MCU: variants seen among roughly 807,000 people sequenced by gnomAD.
MCU encodes the protein calcium uniporter protein, mitochondrial.
A neutral mutation model predicts 45.2 loss-of-function variants in MCU; 12 were observed. The ratio of observed to expected loss-of-function variants is 0.27; its 90% CI spans 0.17 to 0.43. The LOEUF (loss-of-function observed/expected upper bound fraction) is 0.43, where lower values mean the gene tolerates loss of function less well. MCU is among the 20% of genes least tolerant of loss of function. The pLI is 1.00. For missense variants in MCU, 324 were observed against 436.7 expected (o/e 0.74, Z 2.30); for synonymous variants, 160 against 165.1 (o/e 0.97, Z 0.24).
At chr10:72,715,815 CA>C in intron 1 of MCU, 1 of 962,966 alleles carries the variant, frequency 1.0e-6, no homozygotes, top group South Asian at 4.8e-5. Context: ...TATGTCATAA[CA>C]ACCATGTAAG....
At chr10:72,694,107 G>A (rs1406176125) in intron 1 of MCU, among the ~76,000 whole-genome samples, 2 of 152,186 alleles carry the variant, frequency 1.3e-5, no homozygotes, top group Non-Finnish European at 2.9e-5. Flanking sequence ...CAATTAAAAC[G>A]AAGTGTTATT....
intron 6 of MCU, among the ~76,000 whole-genome samples, chr10:72,879,848 C>A (rs1296399417): frequency 1.3e-5 from 2 of 152,100 alleles, no homozygotes; most frequent in Non-Finnish European, 2.9e-5. Flanking sequence ...GAGTTTGAGA[C>A]CAGCCTGGCC....
At chr10:72,882,006 C>T (rs1302894790) in intron 6 of MCU, among the ~76,000 whole-genome samples, 5 of 152,160 alleles carry the variant, frequency 3.3e-5, no homozygotes, top group South Asian at 2.1e-4. Context: ...GGCAGAAGAA[C>T]GTGGATTGTG....
At chr10:72,743,029 T>TCA (rs1843357681) in intron 1 of MCU, among the ~76,000 whole-genome samples, 1 of 145,370 alleles carries the variant, frequency 6.9e-6, no homozygotes, top group Non-Finnish European at 1.5e-5. Context: ...AGAGAGAGGG[T>TCA]GAGGGGGAGA....
At chr10:72,692,408 G>A (rs1417101496) in intron 1 of MCU, 107 bp downstream of exon 1, 2 of 1,011,658 alleles carry the variant, frequency 2.0e-6, no homozygotes, top group Non-Finnish European at 2.4e-6. Flanking sequence ...CTCAACTCCC[G>A]GCCGCTCCGG....
intron 1 of MCU, among the ~76,000 whole-genome samples, chr10:72,819,960 A>G (rs1025137706): frequency 3.9e-5 from 6 of 152,132 alleles, no homozygotes; most frequent in African/African-American, 1.4e-4. Context: ...GCCTGCCTCA[A>G]TGGAAAATAC....
At chr10:72,846,667 T>C (rs1388814644) in intron 2 of MCU, among the ~76,000 whole-genome samples, 1 of 152,190 alleles carries the variant, frequency 6.6e-6, no homozygotes, top group Non-Finnish European at 1.5e-5. Flanking sequence ...AATTTATAAA[T>C]TAAACTTAAA....
intron 1 of MCU, among the ~76,000 whole-genome samples, chr10:72,735,654 A>G (rs1458752878): frequency 6.6e-6 from 1 of 152,216 alleles, no homozygotes; most frequent in Non-Finnish European, 1.5e-5. Context: ...CAGTATTAGA[A>G]TAAAGCTGTT....
At chr10:72,694,890 A>C (rs1288816488) in intron 1 of MCU, among the ~76,000 whole-genome samples, 1 of 152,230 alleles carries the variant, frequency 6.6e-6, no homozygotes, top group Non-Finnish European at 1.5e-5. Context: ...TTATAAACTT[A>C]GTTTGTCTCT....
intron 1 of MCU, chr10:72,767,142 CTT>C (rs1452520253): frequency 1.1e-4 from 16 of 151,856 alleles, no homozygotes; most frequent in Non-Finnish European, 4.4e-5. Flanking sequence ...ATTTATTTGT[CTT>C]TTCGTTATTT....
rs1243596629 is a variant in MCU at position 72,692,260 on chromosome 10, C to T, written c.109C>T (p.Leu37=). Reference sequence around the variant, plus strand: ...GCTGACTGCCGGCTGCTTCCCTGGGCTGGGCGTCAGCCGCCACCGGCAGCA... The same window carrying T: ...GCTGACTGCCGGCTGCTTCCCTGGGTTGGGCGTCAGCCGCCACCGGCAGCA... The part of the protein sequence containing the change: ...GALTAGCFPG[L]GVSRHRQQQH... Residue 37 remains leucine (L), a synonymous_variant, in exon 1 of 8, where the codon CTG becomes TTG. Coordinates refer to ENST00000373053, the MANE Select transcript of MCU (RefSeq NM_138357.3). 2.4e-6 allele frequency: 3 copies of T among 1,233,950 alleles called. No individual in the cohort carries two copies. The highest frequency in any genetic ancestry group is 3.0e-6 in the Non-Finnish European group (3 of 985,476). 76.4% of individuals were successfully genotyped at this position (1,233,950 alleles called of 1,614,324 possible). A position where few individuals can be genotyped will look rare whatever the true frequency, so the allele number is the denominator to read the frequency against.
intron 1 of MCU, among the ~76,000 whole-genome samples, chr10:72,697,183 C>A (rs1006868389): frequency 6.6e-6 from 1 of 151,984 alleles, no homozygotes; most frequent in East Asian, 1.9e-4. Flanking sequence ...GTGGCGTGAT[C>A]TCGGCTCACT....
rs143505062 is a variant in MCU at position 72,697,116 on chromosome 10, T to C, written c.150+4815T>C. Among the ~76,000 whole-genome samples, 598 of 152,308 alleles carry C rather than the reference T, an allele frequency of 3.9e-3. 3 individuals carry two copies. Among genetic ancestry groups the C allele is most frequent in the Non-Finnish European group, 6.6e-3 (448 of 68,030 alleles). ...TATGTTTAAGAACAGACTTCTTCTA[T>C]TTATTTATGTATTTATTTTAGATGG... On this transcript the variant is annotated intron_variant, in intron 1 of 7. Transcript: ENST00000373053.
intron 1 of MCU, among the ~76,000 whole-genome samples, chr10:72,824,492 A>T (rs1691275090): frequency 6.6e-6 from 1 of 151,612 alleles, no homozygotes; most frequent in South Asian, 2.1e-4. Context: ...TACAGGCGTG[A>T]GGCACCGCGC....
At chr10:72,846,538 C>A (rs1459491786) in intron 2 of MCU, among the ~76,000 whole-genome samples, 1 of 152,148 alleles carries the variant, frequency 6.6e-6, no homozygotes, top group Non-Finnish European at 1.5e-5. Flanking sequence ...CAGTTGTGGT[C>A]AAGTAACCCT....
chr10:72,750,695 C>T (rs1299018153), intron 1 of MCU, among the ~76,000 whole-genome samples: 1 of 152,130 alleles, frequency 6.6e-6, no homozygotes, highest in East Asian at 1.9e-4. Flanking sequence ...TATGAATTTA[C>T]ATAGATTTGT....
intron 1 of MCU, among the ~76,000 whole-genome samples, chr10:72,813,806 ATT>A (rs11312860): frequency 2.0e-4 from 30 of 150,222 alleles, no homozygotes; most frequent in South Asian, 6.3e-4. Flanking sequence ...TATTTTTGTG[ATT>A]TTTTTTTTTC....
At chr10:72,789,722 C>G (rs535092247) in intron 1 of MCU, among the ~76,000 whole-genome samples, 1 of 152,232 alleles carries the variant, frequency 6.6e-6, no homozygotes, top group Non-Finnish European at 1.5e-5. Context: ...AAGACCTGTT[C>G]CCTCATTATT....
intron 1 of MCU, among the ~76,000 whole-genome samples, chr10:72,706,711 A>G (rs1264235809): frequency 6.7e-6 from 1 of 149,848 alleles, no homozygotes; most frequent in Non-Finnish European, 1.5e-5. Flanking sequence ...TAATTTTTGT[A>G]CTTGTAGTAG....
Sources: gnomAD v4.1 joint callset for allele counts (sites outside exome capture counted in the v4.1 genomes callset) on GRCh38, gnomAD v4.1.1 for gene constraint, MANE v1.5 for transcripts, NCBI Gene and HGNC (gene_info 2026-07-23, HGNC 2026-07-21) for gene names.